The following PTCHD4 variants were observed in gnomAD, a reference collection of about 807,000 sequenced individuals.
PTCHD4 encodes patched domain containing 4.
A neutral mutation model predicts 58.1 loss-of-function variants in PTCHD4; 33 were observed. The observed-to-expected ratio is 0.57, with a 90% confidence interval of 0.43 to 0.76. The LOEUF (loss-of-function observed/expected upper bound fraction) is 0.76, where lower values mean the gene tolerates loss of function less well. PTCHD4 is among the 30% of genes least tolerant of loss of function. The pLI, the probability that PTCHD4 is intolerant of heterozygous loss-of-function variation, is 0.00. For synonymous variants in PTCHD4, 478 were observed against 409.6 expected (o/e 1.17, Z -2.02); for missense variants, 1,058 against 1,027.1 (o/e 1.03, Z -0.41).
intron 4 of PTCHD4, among the ~76,000 whole-genome samples, chr6:47,880,911 C>T (rs1010216183): frequency 2.0e-5 from 3 of 152,162 alleles, no homozygotes; most frequent in African/African-American, 7.2e-5. Context: ...TCTGCAATTT[C>T]CCCTTTTTTC....
intron 3 of PTCHD4, among the ~76,000 whole-genome samples, chr6:48,040,988 A>G (rs961438980): frequency 6.6e-5 from 10 of 152,096 alleles, no homozygotes; most frequent in African/African-American, 2.4e-4. Context: ...TATACATTAT[A>G]TATATAATCC....
chr6:47,895,934 G>A (rs1247259093), intron 4 of PTCHD4, among the ~76,000 whole-genome samples: 1 of 152,112 alleles, frequency 6.6e-6, no homozygotes. Context: ...CAATGAAAAT[G>A]CCTTGAAACC....
intron 4 of PTCHD4, among the ~76,000 whole-genome samples, chr6:47,941,344 T>C (rs1766215031): frequency 1.3e-5 from 2 of 152,180 alleles, no homozygotes. Flanking sequence ...GGTCGGCAAC[T>C]CCTGACTTTC....
chr6:47,989,857 G>A (rs1289761385), intron 4 of PTCHD4, among the ~76,000 whole-genome samples: 1 of 152,172 alleles, frequency 6.6e-6, no homozygotes, highest in East Asian at 1.9e-4. Flanking sequence ...GGAGCTGTGC[G>A]AAGAAGGCCA....
chr6:47,876,867 G>A lies in PTCHD4; in HGVS notation c.*1436C>T, dbSNP rs113822563. Among the ~76,000 whole-genome samples, 59 of 152,100 alleles carry A rather than the reference G, an allele frequency of 3.9e-4. No homozygotes were observed. Among genetic ancestry groups the A allele is most frequent in the Admixed American group, 1.3e-3 (20 of 15,240 alleles). On this transcript the variant is annotated 3_prime_UTR_variant, in exon 5 of 5. Coordinates refer to ENST00000339488, the MANE Select transcript of PTCHD4 (RefSeq NM_001384253.1). ...TAACTTAATGAAAACATTTACCTCAGTACTTTTGTTTGAGAAAGAATTCAG... is the reference window on the plus strand; with the variant it reads ...TAACTTAATGAAAACATTTACCTCAATACTTTTGTTTGAGAAAGAATTCAG...
chr6:48,037,614 G>A (rs1763685605), intron 3 of PTCHD4, among the ~76,000 whole-genome samples: 1 of 152,116 alleles, frequency 6.6e-6, no homozygotes, highest in South Asian at 2.1e-4. Context: ...TTGAAAAGAA[G>A]TTGACAGAAT....
intron 1 of PTCHD4, among the ~76,000 whole-genome samples, chr6:48,092,981 T>A (rs1465236024): frequency 6.6e-6 from 1 of 152,174 alleles, no homozygotes; most frequent in African/African-American, 2.4e-5. Context: ...TTCTTTTTAT[T>A]CTCTTTTACT....
At chr6:48,075,493 A>G (rs1208282159) in intron 1 of PTCHD4, among the ~76,000 whole-genome samples, 5 of 148,822 alleles carry the variant, frequency 3.4e-5, no homozygotes, top group African/African-American at 5.0e-5. Flanking sequence ...CTTAACCACT[A>G]TATCACCTTG....
chr6:48,094,692 T>C (rs1394740048), intron 1 of PTCHD4, among the ~76,000 whole-genome samples: 7 of 152,338 alleles, frequency 4.6e-5, no homozygotes, highest in African/African-American at 1.7e-4. Flanking sequence ...ATGTGACTGA[T>C]GGCCTAAGAA....
intron 3 of PTCHD4, among the ~76,000 whole-genome samples, chr6:48,026,687 C>T (rs1036254220): frequency 9.9e-5 from 15 of 152,096 alleles, no homozygotes; most frequent in African/African-American, 2.9e-4. Flanking sequence ...AAAACAACCA[C>T]TTGAGACTGA....
chr6:47,928,016 A>C (rs1423667545), intron 4 of PTCHD4, among the ~76,000 whole-genome samples: 1 of 152,142 alleles, frequency 6.6e-6, no homozygotes, highest in Non-Finnish European at 1.5e-5. Context: ...TTTCATATAA[A>C]ATTTTAAATC....
In PTCHD4 at chr6:48,068,946, C is replaced by T. The variant is rs1764908930; in HGVS notation, c.5+7G>A. 6.6e-6 allele frequency among the ~76,000 whole-genome samples: 1 copy of T among 151,634 alleles called. No homozygotes were observed. The highest frequency in any genetic ancestry group is 6.6e-5 in the Admixed American group (1 of 15,242). On this transcript the variant is annotated splice_region_variant and intron_variant, in intron 2 of 4. Coordinates refer to ENST00000339488, the MANE Select transcript of PTCHD4 (RefSeq NM_001384253.1). The surrounding 1 kb of genome is among the most constrained non-coding windows in gnomAD (Gnocchi z 4.2). ...GCGCCCTCGCCGCCTCCCGCGCTGG[C>T]TCTCACCGCATGAGCAGCGTTCCCT...
At chr6:48,072,906 A>G (rs1765000875) in intron 1 of PTCHD4, among the ~76,000 whole-genome samples, 1 of 152,090 alleles carries the variant, frequency 6.6e-6, no homozygotes, top group African/African-American at 2.4e-5. Flanking sequence ...ATTTTTAATA[A>G]GAAAAATAAT....
intron 1 of PTCHD4, among the ~76,000 whole-genome samples, chr6:48,108,441 A>G (rs1386806183): frequency 7.3e-5 from 11 of 151,308 alleles, no homozygotes; most frequent in Admixed American, 6.6e-5. Context: ...ATCACACACC[A>G]GGGACTGTTG....
rs553504838 is a variant in PTCHD4 at position 47,872,019 on chromosome 6, C to A, written c.*6284G>T. ...TGTACCAGGAGATGCAAGAATATGA[C>A]GGCTTATTCTTTTTTTTTTTTCCCC... is the stretch of plus-strand genomic sequence containing the variant. On this transcript the variant is annotated 3_prime_UTR_variant, in exon 5 of 5. Transcript: ENST00000339488. 6.6e-6 allele frequency among the ~76,000 whole-genome samples: 1 copy of A among 150,856 alleles called. No homozygotes were observed. Among genetic ancestry groups the A allele is most frequent in the African/African-American group, 2.4e-5 (1 of 41,158 alleles).
chr6:48,061,223 A>G (rs1222556517), intron 3 of PTCHD4, among the ~76,000 whole-genome samples: 2 of 152,158 alleles, frequency 1.3e-5, no homozygotes, highest in African/African-American at 2.4e-5. Context: ...TTTTTCTTAA[A>G]GAGATGGTTG....
chr6:48,005,664 T>G (rs1762406887), intron 4 of PTCHD4, among the ~76,000 whole-genome samples: 1 of 152,180 alleles, frequency 6.6e-6, no homozygotes, highest in Admixed American at 6.6e-5. Context: ...AGCCTCTCTG[T>G]CTCTCTCTTT....
At chr6:48,038,581 A>G (rs1310891201) in intron 3 of PTCHD4, among the ~76,000 whole-genome samples, 1 of 150,760 alleles carries the variant, frequency 6.6e-6, no homozygotes, top group East Asian at 2.0e-4. Flanking sequence ...CAGAGGTTGC[A>G]GTGAGCCAAG....
At chr6:48,061,248 A>C (rs1290776392) in intron 3 of PTCHD4, among the ~76,000 whole-genome samples, 1 of 152,086 alleles carries the variant, frequency 6.6e-6, no homozygotes, top group East Asian at 1.9e-4. Context: ...TAATTTCAAC[A>C]GTTTTAGAAA....
Sources: gnomAD v4.1 joint callset for allele counts (sites outside exome capture counted in the v4.1 genomes callset) on GRCh38, gnomAD v4.1.1 for gene constraint, Gnocchi (gnomAD v3.1) non-coding constraint, MANE v1.5 for transcripts, NCBI Gene and HGNC (gene_info 2026-07-23, HGNC 2026-07-21) for gene names.